The following TSHZ1 variants were observed in gnomAD, a reference collection of about 807,000 sequenced individuals.
The protein encoded by TSHZ1 is teashirt homolog 1.
In TSHZ1, 12 loss-of-function variants were observed where a neutral mutation model predicts 67.1. The observed-to-expected ratio is 0.18, with a 90% CI of 0.11 to 0.29. The LOEUF is 0.29. TSHZ1 is among the 10% of genes least tolerant of loss of function. The pLI is 1.00. For synonymous variants in TSHZ1, 632 were observed against 622.4 expected, an observed-to-expected ratio of 1.02 and a Z score of -0.23; for missense variants, 1,305 against 1,413.9, an observed-to-expected ratio of 0.92 and a Z score of 1.23.
chr18:75,249,370 T>G (rs1207081868), intron 1 of TSHZ1, among the ~76,000 whole-genome samples: 1 of 151,788 alleles, frequency 6.6e-6, no homozygotes, highest in Non-Finnish European at 1.5e-5. Context: ...GCAGCTGGCC[T>G]TCTCCCTGCC....
rs11659377 is a variant in TSHZ1, at chr18:75,240,734, C to T, written c.40+28818C>T. ...CCACTTAGTTATGTGCCTGTGACTG[C>T]GTGGACACTCCCTGCACGAGGGTTT... On this transcript the variant is annotated intron_variant, in intron 1 of 1. Coordinates refer to ENST00000580243, the MANE Select transcript of TSHZ1 (RefSeq NM_001308210.2). Among the ~76,000 whole-genome samples the T allele has an allele frequency of 5.8e-3, 888 of 152,260 alleles. 5 individuals are homozygous for T. Among genetic ancestry groups the T allele is most frequent in the Middle Eastern group, 0.017 (5 of 294 alleles).
chr18:75,262,976 A>G (rs1474993390), intron 1 of TSHZ1, among the ~76,000 whole-genome samples: 1 of 152,166 alleles, frequency 6.6e-6, no homozygotes, highest in East Asian at 1.9e-4. Context: ...AGGCTAGATT[A>G]TGGACCCTCT....
chr18:75,280,852 G>A (rs779197164), intron 1 of TSHZ1: 16 of 982,828 alleles, frequency 1.6e-5, no homozygotes, highest in African/African-American at 8.7e-5. Context: ...GGTGAATTCC[G>A]TGAGGGGATT....
At chr18:75,265,795 T>A (rs111945139) in intron 1 of TSHZ1, among the ~76,000 whole-genome samples, 323 of 152,250 alleles carry the variant, frequency 2.1e-3, no homozygotes, top group African/African-American at 7.0e-3. Context: ...TGTCCGATGA[T>A]GAATTTACTA....
intron 1 of TSHZ1, among the ~76,000 whole-genome samples, chr18:75,249,293 A>C (rs938520974): frequency 1.3e-5 from 2 of 152,072 alleles, no homozygotes; most frequent in Admixed American, 6.5e-5. Context: ...GCCTGCCCCC[A>C]CGGGGTCCTG....
chr18:75,245,928 G>A (rs987151454), intron 1 of TSHZ1, among the ~76,000 whole-genome samples: 1 of 152,166 alleles, frequency 6.6e-6, no homozygotes, highest in Non-Finnish European at 1.5e-5. Flanking sequence ...TAGTCTTAGT[G>A]TTAAATCTTG....
intron 1 of TSHZ1, among the ~76,000 whole-genome samples, chr18:75,259,795 C>T (rs2023407760): frequency 6.6e-6 from 1 of 152,140 alleles, no homozygotes; most frequent in Admixed American, 6.5e-5. Context: ...GGCAAATGTT[C>T]AGGCTGTGGA....
At chr18:75,246,345 G>C (rs914492362) in intron 1 of TSHZ1, among the ~76,000 whole-genome samples, 7 of 151,266 alleles carry the variant, frequency 4.6e-5, no homozygotes, top group African/African-American at 1.7e-4. Context: ...GGGCAGTGGG[G>C]ATGACGATGG....
At chr18:75,266,103 G>A (rs531347338) in intron 1 of TSHZ1, among the ~76,000 whole-genome samples, 8 of 152,300 alleles carry the variant, frequency 5.3e-5, no homozygotes, top group African/African-American at 1.7e-4. Context: ...GTGAGTGATC[G>A]ATGCTGTCCC....
intron 1 of TSHZ1, among the ~76,000 whole-genome samples, chr18:75,237,301 C>A (rs571098235): frequency 1.3e-5 from 2 of 152,218 alleles, no homozygotes; most frequent in Admixed American, 1.3e-4. Flanking sequence ...GTGGGTGGGT[C>A]ACTTGAGGTC....
chr18:75,282,351 C>G (rs899329475), intron 1 of TSHZ1, among the ~76,000 whole-genome samples: 4 of 152,144 alleles, frequency 2.6e-5, no homozygotes, highest in African/African-American at 7.2e-5. Flanking sequence ...GGCACCTGCT[C>G]CAAGCAAGGG....
intron 1 of TSHZ1, among the ~76,000 whole-genome samples, chr18:75,252,898 C>T (rs907193557): frequency 5.3e-5 from 8 of 152,148 alleles, no homozygotes; most frequent in Non-Finnish European, 1.2e-4. Context: ...CATTACTTTC[C>T]TTTTTTCAAT....
At chr18:75,259,722 T>C (rs1262819079) in intron 1 of TSHZ1, among the ~76,000 whole-genome samples, 1 of 152,196 alleles carries the variant, frequency 6.6e-6, no homozygotes, top group African/African-American at 2.4e-5. Flanking sequence ...GGTATGTACG[T>C]ATAGAAGAAA....
chr18:75,287,466 A>T lies in TSHZ1; in HGVS notation c.2059A>T (p.Ser687Cys). Residue 687 changes from serine (S) to cysteine (C), a missense_variant, in exon 2 of 2, where the codon AGC becomes TGC. Transcript: ENST00000580243. The surrounding 1 kb of genome is among the most constrained non-coding windows in gnomAD (Gnocchi z 5.0). ...NKDFPKTEEV[S>C]GKPQKKGPEA... ...AGATTTCCCGAAAACGGAGGAAGTCAGCGGCAAACCACAGAAGAAGGGCCC... is the reference window on the plus strand; with the variant it reads ...AGATTTCCCGAAAACGGAGGAAGTCTGCGGCAAACCACAGAAGAAGGGCCC... 1 of 1,614,236 alleles carries T rather than the reference A, an allele frequency of 6.2e-7. No homozygotes were observed. The highest frequency in any genetic ancestry group is 8.5e-7 in the Non-Finnish European group (1 of 1,180,046).
intron 1 of TSHZ1, among the ~76,000 whole-genome samples, chr18:75,254,936 C>G (rs2023345246): frequency 6.6e-6 from 1 of 152,134 alleles, no homozygotes; most frequent in African/African-American, 2.4e-5. Context: ...ATCCAGAAAA[C>G]CCAGCCTCCA....
chr18:75,237,609 C>T (rs1472846015), intron 1 of TSHZ1, among the ~76,000 whole-genome samples: 1 of 152,028 alleles, frequency 6.6e-6, no homozygotes, highest in East Asian at 1.9e-4. Flanking sequence ...CATATATGTA[C>T]ACACCTTTTT....
At chr18:75,273,729 T>A (rs2023583651) in intron 1 of TSHZ1, among the ~76,000 whole-genome samples, 1 of 152,238 alleles carries the variant, frequency 6.6e-6, no homozygotes. Flanking sequence ...CAGAATTTCA[T>A]GTTGCTCAGG....
At chr18:75,218,756 G>A (rs1394355569) in intron 1 of TSHZ1, among the ~76,000 whole-genome samples, 1 of 152,190 alleles carries the variant, frequency 6.6e-6, no homozygotes, top group Non-Finnish European at 1.5e-5. Context: ...AAATTACTCC[G>A]GGACAAGGCT....
At chr18:75,235,111 G>A (rs536461721) in intron 1 of TSHZ1, among the ~76,000 whole-genome samples, 99 of 152,172 alleles carry the variant, frequency 6.5e-4, no homozygotes, top group Non-Finnish European at 1.3e-3. Context: ...TACCTCCTGC[G>A]CGTGAATGTG....
Sources: allele counts gnomAD v4.1 joint callset (sites outside exome capture counted in the v4.1 genomes callset), GRCh38; gene constraint gnomAD v4.1.1; non-coding constraint Gnocchi (gnomAD v3.1); transcripts MANE v1.5; gene names NCBI Gene and HGNC (gene_info 2026-07-23, HGNC 2026-07-21).